RIMS2: variants seen among roughly 807,000 people sequenced by gnomAD.
RIMS2 encodes regulating synaptic membrane exocytosis 2, also known as regulating synaptic membrane exocytosis protein 2.
In RIMS2, 59 loss-of-function variants were observed where a neutral mutation model predicts 174.4. That is an observed-to-expected ratio of 0.34 (90% CI 0.27 to 0.42). The LOEUF is 0.42. RIMS2 is among the 10% of genes least tolerant of loss of function. RIMS2 has a pLI of 1.00. For synonymous variants in RIMS2, 606 were observed against 572.5 expected (o/e 1.06, Z -0.84); for missense variants, 1,620 against 1,666.3 (o/e 0.97, Z 0.48).
chr8:103,702,558 G>T (rs1024927839), intron 2 of RIMS2, among the ~76,000 whole-genome samples: 1 of 152,132 alleles, frequency 6.6e-6, no homozygotes, highest in African/African-American at 2.4e-5. Context: ...TCAGGTCTTA[G>T]ATTTAAGTCT....
intron 1 of RIMS2, among the ~76,000 whole-genome samples, chr8:103,665,946 C>G (rs563286658): frequency 6.6e-6 from 1 of 152,164 alleles, no homozygotes; most frequent in Non-Finnish European, 1.5e-5. Context: ...GCTCCAGTAA[C>G]AGTTTTCTTA....
chr8:104,184,742 G>T lies in RIMS2; in HGVS notation c.3335-60174G>T, dbSNP rs185979587. 4.9e-3 allele frequency among the ~76,000 whole-genome samples: 735 copies of T among 151,520 alleles called. 3 individuals are homozygous for T. Among genetic ancestry groups the T allele is most frequent in the Non-Finnish European group, 7.6e-3 (512 of 67,572 alleles). ...GTAAAAAAATCAAGATAACATGATG[G>T]ACTTCCTAGAAATCCTTAGTAAATC... is the stretch of plus-strand genomic sequence containing the variant. On this transcript the variant is annotated intron_variant, in intron 19 of 23. Coordinates refer to ENST00000504942, the Ensembl canonical transcript of RIMS2.
At chr8:104,197,322 C>T (rs1378874423) in intron 19 of RIMS2, among the ~76,000 whole-genome samples, 1 of 151,820 alleles carries the variant, frequency 6.6e-6, no homozygotes, top group African/African-American at 2.4e-5. Flanking sequence ...ATTACAGGTG[C>T]CCACCACCAC....
At chr8:103,936,716 A>C in exon 13 of RIMS2, 1 of 1,602,294 alleles carries the variant, frequency 6.2e-7, no homozygotes, top group Non-Finnish European at 8.5e-7. Context: ...GTGAATTCTT[A>C]GGCGAGGTAT....
chr8:103,992,239 G>C (rs544535199), intron 17 of RIMS2, among the ~76,000 whole-genome samples: 8 of 150,438 alleles, frequency 5.3e-5, no homozygotes, highest in Admixed American at 5.3e-4. Flanking sequence ...CTCCAAAATA[G>C]CTGGGATTAC....
intron 19 of RIMS2, among the ~76,000 whole-genome samples, chr8:104,174,118 T>C (rs758137212): frequency 6.6e-6 from 1 of 151,980 alleles, no homozygotes; most frequent in African/African-American, 2.4e-5. Flanking sequence ...AGCTAATTTT[T>C]GTACTTTTAG....
At chr8:103,864,461 T>G (rs2099075197) in intron 3 of RIMS2, among the ~76,000 whole-genome samples, 1 of 152,214 alleles carries the variant, frequency 6.6e-6, no homozygotes, top group Non-Finnish European at 1.5e-5. Flanking sequence ...TTAATTAGTT[T>G]CCAGGTACTT....
chr8:103,838,750 T>C (rs1267136435), intron 3 of RIMS2, among the ~76,000 whole-genome samples: 1 of 152,182 alleles, frequency 6.6e-6, no homozygotes, highest in East Asian at 1.9e-4. Flanking sequence ...TTATTGCGTG[T>C]TTCACTTCAG....
At chr8:104,172,584 C>CTG in intron 19 of RIMS2, among the ~76,000 whole-genome samples, 1 of 152,330 alleles carries the variant, frequency 6.6e-6, no homozygotes, top group South Asian at 2.1e-4. Flanking sequence ...ATCTGAGCAT[C>CTG]TGTGGATCAG....
chr8:104,121,728 G>A lies in RIMS2; in HGVS notation c.3334+107113G>A, dbSNP rs139258975. Among the ~76,000 whole-genome samples the A allele has an allele frequency of 6.0e-3, 918 of 152,078 alleles. 6 individuals are homozygous for A. Among genetic ancestry groups the A allele is most frequent in the Non-Finnish European group, 9.3e-3 (633 of 67,990 alleles). Reference sequence around the variant, plus strand: ...TGTAATCCCAGCACTTTGGGAGGCCGAGATGGGAGGATCACTTGAGGTCAG... The same window carrying A: ...TGTAATCCCAGCACTTTGGGAGGCCAAGATGGGAGGATCACTTGAGGTCAG... On this transcript the variant is annotated intron_variant, in intron 19 of 23. Coordinates refer to ENST00000504942, the Ensembl canonical transcript of RIMS2.
chr8:104,083,175 T>C (rs1371864898), intron 19 of RIMS2, among the ~76,000 whole-genome samples: 1 of 152,182 alleles, frequency 6.6e-6, no homozygotes, highest in Non-Finnish European at 1.5e-5. Context: ...ATCAGAGCAA[T>C]TCTCAGGCCC....
At chr8:104,231,392 G>A (rs2099228058) in intron 19 of RIMS2, among the ~76,000 whole-genome samples, 1 of 151,920 alleles carries the variant, frequency 6.6e-6, no homozygotes, top group Non-Finnish European at 1.5e-5. Context: ...ACCTCCCAAG[G>A]CTAGTAATTC....
At chr8:103,587,431 A>AGAAAGAAG (rs2093997579) in intron 1 of RIMS2, among the ~76,000 whole-genome samples, 1 of 120,920 alleles carries the variant, frequency 8.3e-6, no homozygotes, top group South Asian at 2.5e-4. Flanking sequence ...AAAGAAAGAA[A>AGAAAGAAG]GAAAGAAAGA....
chr8:104,111,641 C>T lies in RIMS2; in HGVS notation c.3334+97026C>T, dbSNP rs558122827. Among the ~76,000 whole-genome samples, 22 of 152,186 alleles carry T rather than the reference C, an allele frequency of 1.4e-4. No individual in the cohort carries two copies. In the East Asian group the frequency reaches 4.1e-3, roughly 28 times the overall value. On this transcript the variant is annotated intron_variant, in intron 19 of 23. Transcript: ENST00000504942. ...CAGGATGGTCTCCATCTCTTGACCGCGTGATCCACCTGCCTCAGCCTACCA... is the reference window on the plus strand; with the variant it reads ...CAGGATGGTCTCCATCTCTTGACCGTGTGATCCACCTGCCTCAGCCTACCA...
At chr8:103,762,196 G>A (rs1326526160) in intron 2 of RIMS2, among the ~76,000 whole-genome samples, 1 of 151,750 alleles carries the variant, frequency 6.6e-6, no homozygotes, top group African/African-American at 2.4e-5. Flanking sequence ...TGGGTCATTA[G>A]AGATTATTCC....
At chr8:103,890,328 T>C (rs536343728) in intron 4 of RIMS2, among the ~76,000 whole-genome samples, 6 of 152,034 alleles carry the variant, frequency 3.9e-5, no homozygotes, top group African/African-American at 1.4e-4. Flanking sequence ...CACTGAATAC[T>C]GAACACCAAT....
intron 14 of RIMS2, among the ~76,000 whole-genome samples, chr8:103,951,658 C>T (rs1395227073): frequency 1.3e-5 from 2 of 152,152 alleles, no homozygotes; most frequent in Non-Finnish European, 2.9e-5. Context: ...GGGTTTCCAG[C>T]ACAAAACTAG....
Position 103,989,436 on chromosome 8 carries a change from A to G in RIMS2, c.3044+15A>G. 1 of 1,290,824 alleles carries G rather than the reference A, an allele frequency of 7.7e-7. No homozygotes were observed. Among genetic ancestry groups the G allele is most frequent in the Non-Finnish European group, 1.1e-6 (1 of 886,244 alleles). The allele number at this position is 1,290,824 out of a possible 1,614,324, so 80.0% of individuals were successfully genotyped here. ...GATAGAGACAGGTAAATATGATTAA[A>G]TACTATTAGACCTTATTATTAATAT... On this transcript the variant is annotated intron_variant, in intron 17 of 23. Coordinates refer to ENST00000504942, the Ensembl canonical transcript of RIMS2.
intron 19 of RIMS2, among the ~76,000 whole-genome samples, chr8:104,147,577 TTC>T (rs1284230555): frequency 1.3e-5 from 2 of 152,216 alleles, no homozygotes; most frequent in East Asian, 1.9e-4. Context: ...TTAAAGATAT[TTC>T]TGTTTCTTGA....
Sources: gnomAD v4.1 joint callset for allele counts (sites outside exome capture counted in the v4.1 genomes callset) on GRCh38, gnomAD v4.1.1 for gene constraint, MANE v1.5 for transcripts, NCBI Gene and HGNC (gene_info 2026-07-23, HGNC 2026-07-21) for gene names.